The following RBFOX1 variants were observed in gnomAD, a reference collection of about 807,000 sequenced individuals.
RBFOX1 encodes the protein RNA binding protein fox-1 homolog 1.
Under a neutral mutation model 57.7 loss-of-function variants are expected in RBFOX1, and 8 were observed. The ratio of observed to expected loss-of-function variants is 0.14; its 90% confidence interval spans 0.08 to 0.25. The LOEUF (loss-of-function observed/expected upper bound fraction) is 0.25, where lower values mean the gene tolerates loss of function less well. RBFOX1 is among the 10% of genes least tolerant of loss of function. RBFOX1 has a pLI of 1.00. For missense variants in RBFOX1, 611 were observed against 548.5 expected, an observed-to-expected ratio of 1.11 and a Z score of -1.14; for synonymous variants, 326 against 222.4, an observed-to-expected ratio of 1.47 and a Z score of -4.15.
At chr16:6,778,907 A>G (rs1230957553) in intron 3 of RBFOX1, among the ~76,000 whole-genome samples, 6 of 151,928 alleles carry the variant, frequency 3.9e-5, no homozygotes, top group Admixed American at 3.9e-4. Context: ...GAAGAGTTGT[A>G]CATATTTATG....
intron 3 of RBFOX1, among the ~76,000 whole-genome samples, chr16:6,898,248 C>T (rs2067461225): frequency 6.6e-6 from 1 of 152,098 alleles, no homozygotes; most frequent in Admixed American, 6.6e-5. Context: ...GCTCTGACTC[C>T]AGCTGTGATC....
Position 6,949,480 on chromosome 16 carries a change from C to T in RBFOX1, c.-15-102577C>T, listed in dbSNP as rs192685270. ...ATTTGTTTTCTTACCCTTCTGGAGGCTGGAAATCTAAAGCCAGAGCATTGG... is the reference window on the plus strand; with the variant it reads ...ATTTGTTTTCTTACCCTTCTGGAGGTTGGAAATCTAAAGCCAGAGCATTGG... On this transcript the variant is annotated intron_variant, in intron 3 of 15. Transcript: ENST00000550418. 2.6e-5 allele frequency among the ~76,000 whole-genome samples: 4 copies of T among 152,306 alleles called. No homozygotes were observed. The East Asian group carries it at 7.7e-4, about 29-fold the overall frequency.
At chr16:6,319,597 CTCT>C (rs1260139087) in intron 2 of RBFOX1, among the ~76,000 whole-genome samples, 2 of 152,196 alleles carry the variant, frequency 1.3e-5, no homozygotes, top group Non-Finnish European at 2.9e-5. Flanking sequence ...TTCCCCAATA[CTCT>C]TCTTCAAAGC....
intron 3 of RBFOX1, among the ~76,000 whole-genome samples, chr16:6,784,437 C>T (rs887408363): frequency 6.6e-6 from 1 of 152,084 alleles, no homozygotes; most frequent in African/African-American, 2.4e-5. Context: ...TTGCATTCTT[C>T]AGCTCTGCAA....
chr16:6,126,176 T>C (rs928359433), intron 1 of RBFOX1, among the ~76,000 whole-genome samples: 1 of 152,224 alleles, frequency 6.6e-6, no homozygotes, highest in African/African-American at 2.4e-5. Context: ...TGAAATGTAA[T>C]GGAGAATTAC....
At chr16:7,101,215 C>A (rs994567580) in intron 4 of RBFOX1, among the ~76,000 whole-genome samples, 4 of 152,148 alleles carry the variant, frequency 2.6e-5, no homozygotes, top group African/African-American at 9.7e-5. Flanking sequence ...ATTTTTGTGA[C>A]TAGGAATTTA....
chr16:6,795,021 C>T lies in RBFOX1; in HGVS notation c.-16+140371C>T, dbSNP rs555751093. On this transcript the variant is annotated intron_variant, in intron 3 of 15. Coordinates refer to ENST00000550418, the MANE Select transcript of RBFOX1 (RefSeq NM_018723.4). ...ACATCTCCTGACAGTCAGCTTAATT[C>T]TCTTTTCGTCATACTGCACATTTTC... Among the ~76,000 whole-genome samples, 95 of 152,268 alleles carry T rather than the reference C, an allele frequency of 6.2e-4. No individual in the cohort carries two copies. The South Asian group carries it at 9.1e-3, about 15-fold the overall frequency.
intron 4 of RBFOX1, among the ~76,000 whole-genome samples, chr16:5,893,130 C>T (rs139850492): frequency 6.6e-6 from 1 of 152,310 alleles, no homozygotes; most frequent in Non-Finnish European, 1.5e-5. Context: ...CACATTATAT[C>T]ACATTTCCTT....
intron 4 of RBFOX1, among the ~76,000 whole-genome samples, chr16:7,501,179 G>T (rs1229656902): frequency 5.3e-5 from 8 of 152,160 alleles, no homozygotes; most frequent in Non-Finnish European, 1.2e-4. Flanking sequence ...GATGGTGATG[G>T]AGAAGAGAAT....
At chr16:5,776,702 G>T (rs2054161018) in intron 3 of RBFOX1, among the ~76,000 whole-genome samples, 1 of 152,196 alleles carries the variant, frequency 6.6e-6, no homozygotes, top group Non-Finnish European at 1.5e-5. Context: ...GCAGAGCTGG[G>T]ATTTCAACCC....
chr16:6,131,843 C>T (rs1007718319), intron 1 of RBFOX1, among the ~76,000 whole-genome samples: 4 of 152,092 alleles, frequency 2.6e-5, no homozygotes, highest in African/African-American at 7.2e-5. Context: ...ATTCTCCTGC[C>T]ACTCTCTGGC....
At chr16:7,123,275 C>T (rs372686148) in intron 4 of RBFOX1, among the ~76,000 whole-genome samples, 1 of 152,038 alleles carries the variant, frequency 6.6e-6, no homozygotes, top group Admixed American at 6.6e-5. Flanking sequence ...TATCTCCAGC[C>T]CATAGCATCA....
At chr16:7,605,118 G>A (rs1012864848) in intron 9 of RBFOX1, among the ~76,000 whole-genome samples, 2 of 152,094 alleles carry the variant, frequency 1.3e-5, no homozygotes, top group Admixed American at 1.3e-4. Context: ...TAGACTCCAA[G>A]TTGAAATGTA....
intron 4 of RBFOX1, among the ~76,000 whole-genome samples, chr16:5,880,864 C>G (rs2057745196): frequency 6.6e-6 from 1 of 152,166 alleles, no homozygotes; most frequent in South Asian, 2.1e-4. Flanking sequence ...TCAGTCAAAT[C>G]TTTGCTTTCT....
intron 2 of RBFOX1, among the ~76,000 whole-genome samples, chr16:6,448,156 C>CTTCTTTTTTTTTTTT (rs2094523503): frequency 1.3e-5 from 1 of 78,460 alleles, no homozygotes; most frequent in Non-Finnish European, 2.2e-5. Flanking sequence ...TCTTTTCTTT[C>CTTCTTTTTTTTTTTT]TTTTTTTTTT....
chr16:7,387,398 G>C (rs1372369567), intron 4 of RBFOX1, among the ~76,000 whole-genome samples: 1 of 152,124 alleles, frequency 6.6e-6, no homozygotes, highest in Admixed American at 6.6e-5. Flanking sequence ...CCAGAATTGA[G>C]GCCGTCAGTC....
chr16:5,430,646 G>C (rs1437014710), intron 1 of RBFOX1, among the ~76,000 whole-genome samples: 2 of 152,224 alleles, frequency 1.3e-5, no homozygotes, highest in East Asian at 1.9e-4. Context: ...AGTGATCAGA[G>C]CTCAGGGCCA....
intron 3 of RBFOX1, among the ~76,000 whole-genome samples, chr16:6,958,710 C>A (rs1328851243): frequency 6.6e-6 from 1 of 152,138 alleles, no homozygotes; most frequent in African/African-American, 2.4e-5. Flanking sequence ...ACTCCCTCTT[C>A]ATGTTAGTTT....
intron 1 of RBFOX1, among the ~76,000 whole-genome samples, chr16:6,147,821 C>T (rs922107097): frequency 4.6e-5 from 7 of 152,220 alleles, no homozygotes; most frequent in African/African-American, 1.7e-4. Flanking sequence ...TTGATTCCTT[C>T]TTTCTCCTTT....
Sources: allele counts gnomAD v4.1 joint callset (sites outside exome capture counted in the v4.1 genomes callset), GRCh38; gene constraint gnomAD v4.1.1; transcripts MANE v1.5; gene names NCBI Gene and HGNC (gene_info 2026-07-23, HGNC 2026-07-21).